CFAP161: variants seen among roughly 807,000 people sequenced by gnomAD.
The protein encoded by CFAP161 is cilia and flagella associated protein 161.
A neutral mutation model predicts 29.0 loss-of-function variants in CFAP161; 25 were observed. The observed-to-expected ratio is 0.86, with a 90% CI of 0.63 to 1.20. The LOEUF (loss-of-function observed/expected upper bound fraction) is 1.20, where lower values mean the gene tolerates loss of function less well. Among genes scored for constraint, CFAP161 ranks in the 50% most tolerant of loss-of-function variants. The pLI is 0.00. For synonymous variants in CFAP161, 116 were observed against 137.4 expected, an observed-to-expected ratio of 0.84 and a Z score of 1.09; for missense variants, 367 against 371.9, an observed-to-expected ratio of 0.99 and a Z score of 0.11.
chr15:81,138,790 C>T (rs1894855234), intron 4 of CFAP161, among the ~76,000 whole-genome samples: 2 of 152,140 alleles, frequency 1.3e-5, no homozygotes, highest in Admixed American at 1.3e-4. Context: ...TTCAACTCTC[C>T]TAATCCCCCA....
At chr15:81,132,670 G>A (rs1479643442), upstream of CFAP161, among the ~76,000 whole-genome samples, 1 of 152,194 alleles carries the variant, frequency 6.6e-6, no homozygotes, top group Non-Finnish European at 1.5e-5. Context: ...CTGTATCAGT[G>A]TAAGGACTTA....
In CFAP161 at chr15:81,121,495, A is replaced by G. The variant is rs532102646; in HGVS notation, c.-141-6095A>G. Among the ~76,000 whole-genome samples, 21 of 138,442 alleles carry G rather than the reference A, an allele frequency of 1.5e-4. No individual in the cohort carries two copies. The South Asian group carries it at 4.3e-3, about 29-fold the overall frequency. The allele number at this position is 138,442 out of a possible 152,430, so 90.8% of individuals were successfully genotyped here. A position where few individuals can be genotyped will look rare whatever the true frequency, so the allele number is the denominator to read the frequency against. On this transcript the variant is annotated intron_variant, in intron 1 of 4. Transcript: ENST00000560091. ...GAGAGCATATTTGTATACTTTTCTTATAATTTTTTTCATCAAAAACACATC... is the reference window on the plus strand; with the variant it reads ...GAGAGCATATTTGTATACTTTTCTTGTAATTTTTTTCATCAAAAACACATC...
At chr15:81,104,337 G>A (rs532329514) in intron 1 of CFAP161, among the ~76,000 whole-genome samples, 1 of 152,270 alleles carries the variant, frequency 6.6e-6, no homozygotes, top group Non-Finnish European at 1.5e-5. Flanking sequence ...GTGCAGTGAA[G>A]CTGGGAAGAG....
At position 81,141,023 on chromosome 15, in the gene CFAP161, A is replaced by G. The variant is rs964625518; in HGVS notation, c.478-2639A>G. 1.3e-4 allele frequency among the ~76,000 whole-genome samples: 20 copies of G among 152,342 alleles called. No homozygotes were observed. The South Asian group carries it at 1.7e-3, about 13-fold the overall frequency. ...ACTTCTTTGTCTGAATTATGTTAGG[A>G]ATTAATTTCTCAGTTAAATATAATG... On this transcript the variant is annotated intron_variant, in intron 4 of 6. Transcript: ENST00000286732.
At chr15:81,145,234 A>T (rs897076669) in intron 5 of CFAP161, among the ~76,000 whole-genome samples, 3 of 152,218 alleles carry the variant, frequency 2.0e-5, no homozygotes, top group African/African-American at 7.2e-5. Flanking sequence ...TTCTCTGAGC[A>T]TGGAGGACAT....
chr15:81,106,325 G>C (rs933327078), intron 1 of CFAP161, among the ~76,000 whole-genome samples: 5 of 152,186 alleles, frequency 3.3e-5, no homozygotes, highest in Admixed American at 6.5e-5. Flanking sequence ...ATTGCAAGTA[G>C]ACAATAATTT....
chr15:81,130,498 A>C (rs1259747388), upstream of CFAP161, among the ~76,000 whole-genome samples: 1 of 152,220 alleles, frequency 6.6e-6, no homozygotes, highest in Non-Finnish European at 1.5e-5. Context: ...CAGGAGAGTG[A>C]GACCATCCTG....
In CFAP161 at chr15:81,144,908, C is replaced by T. The variant is rs112751721; in HGVS notation, c.636+1088C>T. ...CGGCATCATTCTCATTATCACTGTG[C>T]GACACTTTCTCCGGATGCTGGGACC... On this transcript the variant is annotated intron_variant, in intron 5 of 6. Transcript: ENST00000286732. Among the ~76,000 whole-genome samples the T allele has an allele frequency of 4.3e-4, 66 of 152,198 alleles. 1 individual carries two copies. In the Middle Eastern group the frequency reaches 0.014, roughly 32 times the overall value.
intron 1 of CFAP161, among the ~76,000 whole-genome samples, chr15:81,121,915 G>A (rs1319391841): frequency 2.6e-5 from 4 of 152,002 alleles, no homozygotes; most frequent in South Asian, 2.1e-4. Context: ...CCTTCTATGC[G>A]TCCATGTGTT....
exon 2 of CFAP161, chr15:81,127,649 G>A (rs1440915923): frequency 6.6e-5 from 2 of 30,338 alleles, no homozygotes; most frequent in African/African-American, 1.6e-4. Flanking sequence ...AAAAGAAGAG[G>A]AGGGGCTCAA....
At chr15:81,102,707 T>C (rs528714767) in intron 1 of CFAP161, among the ~76,000 whole-genome samples, 1 of 152,282 alleles carries the variant, frequency 6.6e-6, no homozygotes, top group Non-Finnish European at 1.5e-5. Context: ...TTTATAGATA[T>C]GTGTATTTCT....
chr15:81,144,972 G>A (rs953196791), intron 5 of CFAP161, among the ~76,000 whole-genome samples: 1 of 152,158 alleles, frequency 6.6e-6, no homozygotes, highest in Non-Finnish European at 1.5e-5. Flanking sequence ...TGACGGGAAG[G>A]TGGGAGGTCT....
intron 1 of CFAP161, among the ~76,000 whole-genome samples, chr15:81,114,315 G>A (rs558815126): frequency 2.9e-4 from 44 of 152,298 alleles, no homozygotes; most frequent in African/African-American, 1.0e-3. Context: ...TCTAAAAAAT[G>A]TACATATCTT....
At chr15:81,110,933 T>C (rs558492469) in intron 1 of CFAP161, among the ~76,000 whole-genome samples, 21 of 152,148 alleles carry the variant, frequency 1.4e-4, no homozygotes, top group Non-Finnish European at 2.5e-4. Flanking sequence ...CAAAAATAGA[T>C]GGAGACAAAA....
chr15:81,125,638 C>T (rs2663913), intron 1 of CFAP161, among the ~76,000 whole-genome samples: 86,871 of 151,952 alleles, frequency 0.57, 26,092 homozygotes, highest in Non-Finnish European at 0.68. Flanking sequence ...GGTATCTGGG[C>T]TAATGGCTAT....
chr15:81,099,608 A>G (rs1012751189), intron 1 of CFAP161: 2 of 152,212 alleles, frequency 1.3e-5, no homozygotes, highest in African/African-American at 4.8e-5. Context: ...CTCAGCTCCT[A>G]GAAATTATGC....
upstream of CFAP161, among the ~76,000 whole-genome samples, chr15:81,132,498 C>A (rs537565462): frequency 2.1e-4 from 32 of 152,218 alleles, no homozygotes; most frequent in Non-Finnish European, 4.4e-4. Flanking sequence ...AATTTGTGTT[C>A]ATAGAAAAAT....
At chr15:81,121,551 TTA>T in intron 1 of CFAP161, among the ~76,000 whole-genome samples, 1 of 151,426 alleles carries the variant, frequency 6.6e-6, no homozygotes, top group Admixed American at 6.6e-5. Flanking sequence ...AAATACAAAG[TTA>T]TATATATATA....
intron 1 of CFAP161, among the ~76,000 whole-genome samples, chr15:81,105,409 CCTCA>C (rs1234544614): frequency 7.0e-6 from 1 of 142,496 alleles, no homozygotes; most frequent in Non-Finnish European, 1.5e-5. Flanking sequence ...TCCATTCTTC[CCTCA>C]CTCCTTCTCT....
Sources: gnomAD v4.1 joint callset for allele counts (sites outside exome capture counted in the v4.1 genomes callset) on GRCh38, gnomAD v4.1.1 for gene constraint, MANE v1.5 for transcripts, NCBI Gene and HGNC (gene_info 2026-07-23, HGNC 2026-07-21) for gene names.